Variants in PCDHA4 observed in about 807,000 individuals in gnomAD.
PCDHA4 encodes protocadherin alpha 4, also known as protocadherin alpha-4.
Under a neutral mutation model 61.4 loss-of-function variants are expected in PCDHA4, and 49 were observed. That is an observed-to-expected ratio of 0.80 (90% CI 0.63 to 1.01). PCDHA4 has a LOEUF of 1.01. PCDHA4 is among the 50% of genes least tolerant of loss of function. PCDHA4 has a pLI of 0.00. For missense variants in PCDHA4, 1,254 were observed against 1,235.8 expected (o/e 1.01, Z -0.22); for synonymous variants, 590 against 550.3 (o/e 1.07, Z -1.01).
At chr5:140,837,768 C>T (rs1391486118) in intron 1 of PCDHA4, among the ~76,000 whole-genome samples, 1 of 151,702 alleles carries the variant, frequency 6.6e-6, no homozygotes, top group Non-Finnish European at 1.5e-5. Flanking sequence ...CCTGAAAGTC[C>T]TGGGCTCACA....
At chr5:140,836,494 T>A in intron 1 of PCDHA4, 4 of 1,613,852 alleles carry the variant, frequency 2.5e-6, no homozygotes, top group Non-Finnish European at 3.4e-6. Context: ...ATCATCGCCA[T>A]CTGCGCGGTG....
chr5:140,907,111 C>T (rs1465808747), intron 1 of PCDHA4, among the ~76,000 whole-genome samples: 1 of 152,130 alleles, frequency 6.6e-6, no homozygotes, highest in African/African-American at 2.4e-5. Flanking sequence ...ACTTCCACCC[C>T]TTGATTCCTG....
At chr5:140,897,227 CA>C (rs1408350956) in intron 1 of PCDHA4, among the ~76,000 whole-genome samples, 2 of 152,036 alleles carry the variant, frequency 1.3e-5, no homozygotes, top group African/African-American at 2.4e-5. Context: ...TACATGTGCA[CA>C]ATGTGCAGGT....
chr5:140,841,892 C>A (rs2150324917), intron 1 of PCDHA4: 1 of 1,613,788 alleles, frequency 6.2e-7, no homozygotes, highest in Non-Finnish European at 8.5e-7. Context: ...TGAGAATAAA[C>A]TGGTTGAGCT....
intron 1 of PCDHA4, chr5:140,848,598 G>T (rs2150413954): frequency 1.3e-6 from 2 of 1,593,946 alleles, no homozygotes; most frequent in African/African-American, 1.3e-5. Context: ...CCACTACTCC[G>T]TCCCGGAGGA....
At position 140,818,518 on chromosome 5, in the gene PCDHA4, G is replaced by A. The variant is rs189749531; in HGVS notation, c.2385+8946G>A. Among the ~76,000 whole-genome samples, 14 of 152,286 alleles carry A rather than the reference G, an allele frequency of 9.2e-5. No homozygotes were observed. The East Asian group carries it at 2.1e-3, about 23-fold the overall frequency. ...TGGATTTTAAAATCAGATATAACCT[G>A]AGAGATTATCATTTTTCTCCATTTA... On this transcript the variant is annotated intron_variant, in intron 1 of 3. Coordinates refer to ENST00000530339, the MANE Select transcript of PCDHA4 (RefSeq NM_018907.4).
chr5:140,877,015 G>A, intron 1 of PCDHA4: 1 of 1,612,474 alleles, frequency 6.2e-7, no homozygotes, highest in Non-Finnish European at 8.5e-7. Context: ...CGCGGAGAGC[G>A]GCAAGGTGTA....
intron 1 of PCDHA4, chr5:140,862,550 G>C: frequency 2.2e-6 from 1 of 458,462 alleles, no homozygotes. Flanking sequence ...GGAAGTGGCC[G>C]AACAGTGAAC....
At chr5:140,884,188 G>C in intron 1 of PCDHA4, 1 of 1,613,436 alleles carries the variant, frequency 6.2e-7, no homozygotes, top group Middle Eastern at 1.7e-4. Flanking sequence ...TGGACGAGGT[G>C]GACGCGCCGC....
chr5:140,900,257 T>G (rs1184928608), intron 1 of PCDHA4, among the ~76,000 whole-genome samples: 3 of 152,108 alleles, frequency 2.0e-5, no homozygotes, highest in Admixed American at 6.6e-5. Context: ...TGAATAGTAC[T>G]CCATTGTGTA....
intron 1 of PCDHA4, chr5:140,850,253 C>A: frequency 6.3e-7 from 1 of 1,593,758 alleles, no homozygotes; most frequent in South Asian, 1.1e-5. Flanking sequence ...GGTCGGTGGG[C>A]GCCGGCGTAG....
At chr5:140,982,298 A>G (rs1371152402) in intron 2 of PCDHA4, 177 bp from the exon 3 acceptor site, 12 of 1,189,736 alleles carry the variant, frequency 1.0e-5, no homozygotes, top group Admixed American at 5.6e-5. Flanking sequence ...TAAGTCAGCA[A>G]TGCTTCTGCA....
Position 140,862,212 on chromosome 5 carries a change from G to T in PCDHA4, c.2385+52640G>T, listed in dbSNP as rs2047258044. ...TTCCCCAATGTTTGATCACTGCACA[G>T]ACTTGATAGAAGTCTTGGACATCAA... On this transcript the variant is annotated intron_variant, in intron 1 of 3. Transcript: ENST00000530339. The T allele has an allele frequency of 2.0e-5, 4 of 203,790 alleles. No homozygotes were observed. In the South Asian group the frequency reaches 4.0e-4, roughly 20 times the overall value. The allele number at this position is 203,790 out of a possible 1,614,324, so 12.6% of individuals were successfully genotyped here.
At chr5:140,882,361 C>T (rs2059095511) in intron 1 of PCDHA4, 1 of 1,614,204 alleles carries the variant, frequency 6.2e-7, no homozygotes, top group Non-Finnish European at 8.5e-7. Context: ...GTGGCCAGCT[C>T]CACTACTCCG....
At chr5:140,954,396 C>T (rs894225724) in intron 1 of PCDHA4, among the ~76,000 whole-genome samples, 3 of 152,176 alleles carry the variant, frequency 2.0e-5, no homozygotes, top group Admixed American at 1.3e-4. Context: ...TTTACAACCC[C>T]ACCAACAGGG....
chr5:140,807,766 G>T lies in PCDHA4; in HGVS notation c.579G>T (p.Gly193=), dbSNP rs373032787. The part of the protein sequence containing the change: ...PPDDELVKGL[G]LILRKSLDRE... Reference sequence around the variant, plus strand: ...ATGACGAGCTGGTAAAAGGTCTTGGGCTTATATTACGGAAATCTTTAGACA... The same window carrying T: ...ATGACGAGCTGGTAAAAGGTCTTGGTCTTATATTACGGAAATCTTTAGACA... The change falls in exon 1 of 4, where the codon GGG becomes GGT. Residue 193 remains glycine, a synonymous_variant. Transcript: ENST00000530339. The T allele has an allele frequency of 1.9e-6, 3 of 1,614,038 alleles. No homozygotes were observed. The highest frequency in any genetic ancestry group is 1.7e-5 in the Admixed American group (1 of 59,996).
rs782349051 is a variant in PCDHA4, at chr5:140,857,178, A to G, written c.2385+47606A>G. 8.1e-6 allele frequency: 13 copies of G among 1,598,358 alleles called. No individual in the cohort carries two copies. The South Asian group carries it at 1.3e-4, about 16-fold the overall frequency. On this transcript the variant is annotated intron_variant, in intron 1 of 3. Transcript: ENST00000530339. The stretch of plus-strand genomic sequence containing the variant: ...GCCCTAATCAGCGTTTCTGACCATG[A>G]TTCAGGAGCCAACGGACAGGTCACC...
intron 2 of PCDHA4, among the ~76,000 whole-genome samples, chr5:140,979,323 T>C (rs2096844622): frequency 6.6e-6 from 1 of 152,180 alleles, no homozygotes; most frequent in Non-Finnish European, 1.5e-5. Context: ...TATGCTTTCT[T>C]TTCCTCCTTT....
chr5:140,824,401 T>G (rs1459968024), intron 1 of PCDHA4: 4 of 544,498 alleles, frequency 7.3e-6, no homozygotes, highest in Middle Eastern at 4.7e-4. Context: ...GGATAATAAT[T>G]GTAAGACATA....
Sources: allele counts gnomAD v4.1 joint callset (sites outside exome capture counted in the v4.1 genomes callset), GRCh38; gene constraint gnomAD v4.1.1; transcripts MANE v1.5; gene names NCBI Gene and HGNC (gene_info 2026-07-23, HGNC 2026-07-21).